Variants in GPR15LG observed in about 807,000 individuals in gnomAD.
GPR15LG encodes the protein G protein-coupled receptor 15 ligand.
chr10:84,183,795 G>C, the GPR15LG span, among the ~76,000 whole-genome samples: 4 of 151,878 alleles, frequency 2.6e-5, no homozygotes, highest in Admixed American at 1.3e-4. Context: ...ACAGGCGTGC[G>C]CCACCATGCC....
chr10:84,174,201 C>T, the GPR15LG span, among the ~76,000 whole-genome samples: 2 of 152,218 alleles, frequency 1.3e-5, no homozygotes, highest in Non-Finnish European at 2.9e-5. Flanking sequence ...AACCTCTCAG[C>T]TAGATTACTG....
At chr10:84,184,696 T>C in the GPR15LG span, 1 of 1,614,102 alleles carries the variant, frequency 6.2e-7, no homozygotes, top group Admixed American at 1.7e-5. Context: ...CATGTGAGGC[T>C]CTGTAAACCA....
the GPR15LG span, among the ~76,000 whole-genome samples, chr10:84,180,403 C>T: frequency 1.4e-4 from 22 of 152,146 alleles, no homozygotes; most frequent in African/African-American, 5.3e-4. Flanking sequence ...GTACACCTCC[C>T]AGACGGGGTG....
the GPR15LG span, chr10:84,176,534 ACCGAGTCCCTAGC>A: frequency 6.2e-7 from 1 of 1,614,038 alleles, no homozygotes; most frequent in Non-Finnish European, 8.5e-7. Context: ...CTCTGCTGCC[ACCGAGTCCCTAGC>A]CCCAACTCAA....
At chr10:84,183,429 A>G in the GPR15LG span, among the ~76,000 whole-genome samples, 2 of 152,232 alleles carry the variant, frequency 1.3e-5, no homozygotes, top group Non-Finnish European at 2.9e-5. Context: ...ACCATAACTT[A>G]GTAACCCTTC....
At chr10:84,183,210 T>C in the GPR15LG span, among the ~76,000 whole-genome samples, 4 of 152,230 alleles carry the variant, frequency 2.6e-5, no homozygotes, top group Non-Finnish European at 5.9e-5. Flanking sequence ...AAAAGTTAGA[T>C]ACTATTACTA....
the GPR15LG span, among the ~76,000 whole-genome samples, chr10:84,180,846 A>C: frequency 6.6e-6 from 1 of 152,248 alleles, no homozygotes; most frequent in Non-Finnish European, 1.5e-5. Context: ...GCACCTCGGG[A>C]GGCCGAGGCT....
At chr10:84,173,843 C>T in the GPR15LG span, 2 of 1,607,886 alleles carry the variant, frequency 1.2e-6, no homozygotes, top group South Asian at 1.1e-5. Context: ...GAAAATCTGC[C>T]TTCTCACCAT....
chr10:84,179,660 C>G, the GPR15LG span, among the ~76,000 whole-genome samples: 14 of 152,310 alleles, frequency 9.2e-5, no homozygotes, highest in South Asian at 2.9e-3. Flanking sequence ...ACAACACCAG[C>G]TATGACACAC....
At chr10:84,177,472 G>A in the GPR15LG span, among the ~76,000 whole-genome samples, 2 of 152,196 alleles carry the variant, frequency 1.3e-5, no homozygotes, top group East Asian at 3.9e-4. Flanking sequence ...AGGAGGTCCC[G>A]GCCCCACTTG....
At chr10:84,180,755 T>C in the GPR15LG span, among the ~76,000 whole-genome samples, 9 of 152,158 alleles carry the variant, frequency 5.9e-5, no homozygotes, top group Non-Finnish European at 8.8e-5. Context: ...GTGGAGGTTG[T>C]AGCGAGCTGA....
chr10:84,176,517 A>G, the GPR15LG span: 1 of 1,613,986 alleles, frequency 6.2e-7, no homozygotes. Flanking sequence ...CAGGCAGGAG[A>G]ACCAGGCTCT....
chr10:84,177,251 C>T, the GPR15LG span, among the ~76,000 whole-genome samples: 211 of 152,344 alleles, frequency 1.4e-3, no homozygotes, highest in African/African-American at 5.0e-3. Flanking sequence ...AGGAGGGCTG[C>T]GGGCACCCAG....
At chr10:84,183,629 T>A in the GPR15LG span, among the ~76,000 whole-genome samples, 1 of 152,064 alleles carries the variant, frequency 6.6e-6, no homozygotes, top group African/African-American at 2.4e-5. Flanking sequence ...TTATCATTAA[T>A]TTTTTATTTT....
chr10:84,183,771 G>C, the GPR15LG span, among the ~76,000 whole-genome samples: 1 of 151,906 alleles, frequency 6.6e-6, no homozygotes, highest in African/African-American at 2.4e-5. Context: ...TCAGCCTCCT[G>C]AGTAGCTAGG....
At chr10:84,176,069 G>A in the GPR15LG span, among the ~76,000 whole-genome samples, 2 of 151,696 alleles carry the variant, frequency 1.3e-5, no homozygotes, top group Admixed American at 6.6e-5. Flanking sequence ...TGTATTTTTA[G>A]TAGAGATGGG....
the GPR15LG span, among the ~76,000 whole-genome samples, chr10:84,180,929 T>C: frequency 6.6e-6 from 1 of 152,044 alleles, no homozygotes; most frequent in Non-Finnish European, 1.5e-5. Context: ...CACCAAAAAA[T>C]ACGAAAACCA....
chr10:84,183,584 G>T, the GPR15LG span, among the ~76,000 whole-genome samples: 1 of 151,816 alleles, frequency 6.6e-6, no homozygotes, highest in African/African-American at 2.4e-5. Flanking sequence ...TAACCACAGG[G>T]TTTTGTCCCC....
At chr10:84,181,912 A>G in the GPR15LG span, among the ~76,000 whole-genome samples, 1 of 152,182 alleles carries the variant, frequency 6.6e-6, no homozygotes, top group African/African-American at 2.4e-5. Flanking sequence ...CTTTCTACGC[A>G]TCCTGGGGCC....
Sources: gnomAD v4.1 joint callset for allele counts (sites outside exome capture counted in the v4.1 genomes callset) on GRCh38, gnomAD v4.1.1 for gene constraint, MANE v1.5 for transcripts, NCBI Gene and HGNC (gene_info 2026-07-23, HGNC 2026-07-21) for gene names.